Variants in LURAP1L observed in about 807,000 individuals in gnomAD.
LURAP1L encodes the protein leucine rich adaptor protein 1 like, also known as leucine rich adaptor protein 1-like.
A neutral mutation model predicts 13.8 loss-of-function variants in LURAP1L; 12 were observed. The ratio of observed to expected loss-of-function variants is 0.87; its 90% CI spans 0.56 to 1.41. The LOEUF is 1.41. LURAP1L is among the 40% of genes most tolerant of loss of function. LURAP1L has a pLI of 0.00. For synonymous variants in LURAP1L, 139 were observed against 119.2 expected, an observed-to-expected ratio of 1.17 and a Z score of -1.08; for missense variants, 375 against 292.9, an observed-to-expected ratio of 1.28 and a Z score of -2.04.
chr9:12,802,052 C>A (rs1028007938), intron 1 of LURAP1L, among the ~76,000 whole-genome samples: 2 of 152,160 alleles, frequency 1.3e-5, no homozygotes, highest in East Asian at 3.9e-4. Flanking sequence ...AGCCTCCATT[C>A]CAGAAGGAGA....
chr9:12,789,419 G>A (rs1201741486), intron 1 of LURAP1L, among the ~76,000 whole-genome samples: 1 of 152,070 alleles, frequency 6.6e-6, no homozygotes, highest in African/African-American at 2.4e-5. Context: ...TTTCATAGAA[G>A]GGTGAATGAC....
intron 1 of LURAP1L, among the ~76,000 whole-genome samples, chr9:12,808,350 CATAAA>C (rs1423107263): frequency 6.6e-6 from 1 of 152,040 alleles, no homozygotes; most frequent in Non-Finnish European, 1.5e-5. Context: ...ATATATATAA[CATAAA>C]ATATACTATT....
Position 12,775,521 on chromosome 9 carries a change from G to A in LURAP1L, c.-195G>A, listed in dbSNP as rs1039551703. On this transcript the variant is annotated 5_prime_UTR_variant, in exon 1 of 2. Coordinates refer to ENST00000319264, the MANE Select transcript of LURAP1L (RefSeq NM_203403.2). ...TCGCAGCGGACTGGGAACTGCAGCTGCGACCCCCCGCGTCCTGTGCGGATT... is the reference window on the plus strand; with the variant it reads ...TCGCAGCGGACTGGGAACTGCAGCTACGACCCCCCGCGTCCTGTGCGGATT... The A allele has an allele frequency of 4.0e-6, 3 of 757,426 alleles. No homozygotes were observed. Among genetic ancestry groups the A allele is most frequent in the Non-Finnish European group, 5.8e-6 (3 of 514,064 alleles). 46.9% of individuals were successfully genotyped at this position (757,426 alleles called of 1,614,324 possible). A position where few individuals can be genotyped will look rare whatever the true frequency, so the allele number is the denominator to read the frequency against.
intron 1 of LURAP1L, 71 bp downstream of exon 1, chr9:12,776,098 G>T: frequency 1.4e-6 from 2 of 1,473,250 alleles, no homozygotes; most frequent in East Asian, 2.3e-5. Context: ...TCTGAGAATG[G>T]GGCTGGGAGA....
chr9:12,808,788 G>T (rs978844213), intron 1 of LURAP1L, among the ~76,000 whole-genome samples: 20 of 152,110 alleles, frequency 1.3e-4, no homozygotes, highest in Non-Finnish European at 2.4e-4. Flanking sequence ...CTCAGTAATT[G>T]TTGCTTTAAA....
intron 1 of LURAP1L, among the ~76,000 whole-genome samples, chr9:12,786,535 G>GTA (rs1819352902): frequency 2.6e-5 from 1 of 38,268 alleles, no homozygotes; most frequent in South Asian, 1.0e-3. Flanking sequence ...TGGCTAACAT[G>GTA]TATATATATG....
chr9:12,819,214 T>C (rs1400149840), intron 1 of LURAP1L, among the ~76,000 whole-genome samples: 4 of 152,198 alleles, frequency 2.6e-5, no homozygotes, highest in Admixed American at 6.5e-5. Context: ...GTGCAATTTA[T>C]TTTTAGTGCT....
intron 1 of LURAP1L, among the ~76,000 whole-genome samples, chr9:12,794,146 C>A (rs1388717618): frequency 6.6e-6 from 1 of 152,070 alleles, no homozygotes; most frequent in Non-Finnish European, 1.5e-5. Context: ...ACAAAGCCAG[C>A]TTTCCCCCTT....
Position 12,820,632 on chromosome 9 carries a change from G to A in LURAP1L, c.313-754G>A, listed in dbSNP as rs956690676. Among the ~76,000 whole-genome samples, 192 of 150,928 alleles carry A rather than the reference G, an allele frequency of 1.3e-3. 1 individual carries two copies. The highest frequency in any genetic ancestry group is 4.4e-3 in the African/African-American group (182 of 41,096). On this transcript the variant is annotated intron_variant, in intron 1 of 1. Coordinates refer to ENST00000319264, the MANE Select transcript of LURAP1L (RefSeq NM_203403.2). The stretch of plus-strand genomic sequence containing the variant: ...CTGATATATCTGAAACAAATAGTCA[G>A]ATATACAGAAATATTTGTACACTTC...
At chr9:12,809,447 T>C (rs932930110) in intron 1 of LURAP1L, among the ~76,000 whole-genome samples, 2 of 152,224 alleles carry the variant, frequency 1.3e-5, no homozygotes, top group African/African-American at 4.8e-5. Context: ...TGTTACAGTG[T>C]TTTTGATTTC....
At chr9:12,814,692 T>C (rs958166328) in intron 1 of LURAP1L, among the ~76,000 whole-genome samples, 1 of 152,218 alleles carries the variant, frequency 6.6e-6, no homozygotes, top group African/African-American at 2.4e-5. Flanking sequence ...TCCTTTCAAA[T>C]ACACCAGATA....
chr9:12,794,861 C>T (rs1048355281), intron 1 of LURAP1L, among the ~76,000 whole-genome samples: 3 of 151,708 alleles, frequency 2.0e-5, no homozygotes, highest in African/African-American at 4.8e-5. Flanking sequence ...ATATTCAATT[C>T]TTGTGATAAG....
chr9:12,795,791 C>A (rs1025203101), intron 1 of LURAP1L, among the ~76,000 whole-genome samples: 4 of 151,940 alleles, frequency 2.6e-5, no homozygotes, highest in Admixed American at 2.0e-4. Context: ...ACCAAACGGT[C>A]TCCATGTGTT....
At chr9:12,792,650 G>A (rs941187402) in intron 1 of LURAP1L, among the ~76,000 whole-genome samples, 2 of 152,092 alleles carry the variant, frequency 1.3e-5, no homozygotes, top group South Asian at 2.1e-4. Context: ...TATCATAAAC[G>A]ACATTAGATT....
Position 12,821,587 on chromosome 9 carries a change from G to T in LURAP1L, c.514G>T (p.Asp172Tyr), listed in dbSNP as rs570718796. The T allele has an allele frequency of 6.2e-7, 1 of 1,614,164 alleles. No homozygotes were observed. The highest frequency in any genetic ancestry group is 1.1e-5 in the South Asian group (1 of 91,078). ...CTACAACAGCCTACACGATGGCAGT[G>T]ATGGGCTGGATGGCATTTCCGTGGG... is the stretch of plus-strand genomic sequence containing the variant. Reference protein sequence around the residue: ...GSYNSLHDGSDGLDGISVGSY... With the variant: ...GSYNSLHDGSYGLDGISVGSY... Residue 172 changes from aspartate (D) to tyrosine (Y), a missense_variant, in exon 2 of 2, where the codon GAT becomes TAT. Coordinates refer to ENST00000319264, the MANE Select transcript of LURAP1L (RefSeq NM_203403.2).
Position 12,821,429 on chromosome 9 carries a change from T to C in LURAP1L, c.356T>C (p.Leu119Pro), listed in dbSNP as rs1819878663. Reference protein sequence around the residue: ...ATDVRLMRQLLVINESIESIK... With the variant: ...ATDVRLMRQLPVINESIESIK... ...GACGTCAGGCTCATGCGCCAGTTGC[T>C]TGTAATCAATGAGAGCATCGAGTCC... is the stretch of plus-strand genomic sequence containing the variant. The change falls in exon 2 of 2, where the codon CTT becomes CCT. Residue 119 changes from leucine (L) to proline (P), a missense_variant. Coordinates refer to ENST00000319264, the MANE Select transcript of LURAP1L (RefSeq NM_203403.2). 1 of 1,614,014 alleles carries C rather than the reference T, an allele frequency of 6.2e-7. No homozygotes were observed. The highest frequency in any genetic ancestry group is 1.3e-5 in the African/African-American group (1 of 74,920).
chr9:12,779,555 C>A (rs1341746456), intron 1 of LURAP1L, among the ~76,000 whole-genome samples: 1 of 152,122 alleles, frequency 6.6e-6, no homozygotes, highest in Non-Finnish European at 1.5e-5. Context: ...CAGGCGTGAG[C>A]CACCGTGTAC....
At chr9:12,777,284 G>C (rs1321054862) in intron 1 of LURAP1L, 1 of 985,322 alleles carries the variant, frequency 1.0e-6, no homozygotes, top group Non-Finnish European at 1.2e-6. Flanking sequence ...TTGCAAAATA[G>C]ATGAAAAGAT....
At chr9:12,805,200 A>G (rs1474117807) in intron 1 of LURAP1L, among the ~76,000 whole-genome samples, 1 of 152,124 alleles carries the variant, frequency 6.6e-6, no homozygotes, top group Non-Finnish European at 1.5e-5. Context: ...TCCTTAAAAG[A>G]CTAGAACATT....
Sources: gnomAD v4.1 joint callset for allele counts (sites outside exome capture counted in the v4.1 genomes callset) on GRCh38, gnomAD v4.1.1 for gene constraint, MANE v1.5 for transcripts, NCBI Gene and HGNC (gene_info 2026-07-23, HGNC 2026-07-21) for gene names.